Variants in EPHB1 observed in about 807,000 individuals in gnomAD.
EPHB1 encodes EPH receptor B1, also known as ephrin type-B receptor 1.
Under a neutral mutation model 94.4 loss-of-function variants are expected in EPHB1, and 30 were observed. The ratio of observed to expected loss-of-function variants is 0.32; its 90% CI spans 0.24 to 0.43. The LOEUF (loss-of-function observed/expected upper bound fraction) is 0.43, where lower values mean the gene tolerates loss of function less well. EPHB1 is among the 20% of genes least tolerant of loss of function. EPHB1 has a pLI of 1.00. For synonymous variants in EPHB1, 522 were observed against 489.1 expected, an observed-to-expected ratio of 1.07 and a Z score of -0.89; for missense variants, 1,055 against 1,308.3, an observed-to-expected ratio of 0.81 and a Z score of 2.99.
At chr3:135,146,224 G>C (rs1341652887) in intron 5 of EPHB1, among the ~76,000 whole-genome samples, 1 of 152,212 alleles carries the variant, frequency 6.6e-6, no homozygotes, top group Non-Finnish European at 1.5e-5. Context: ...GGCCGGCAAG[G>C]TCAAGAAAAG....
intron 3 of EPHB1, among the ~76,000 whole-genome samples, chr3:135,048,887 C>T (rs1937087841): frequency 6.6e-6 from 1 of 152,238 alleles, no homozygotes; most frequent in Admixed American, 6.5e-5. Flanking sequence ...CTGCTTGCTT[C>T]ATCTGTGGGC....
At chr3:134,930,681 A>G (rs1578206149) in intron 2 of EPHB1, among the ~76,000 whole-genome samples, 1 of 152,172 alleles carries the variant, frequency 6.6e-6, no homozygotes, top group Non-Finnish European at 1.5e-5. Context: ...TTGCACCTCC[A>G]GGTCTGCTCC....
At chr3:135,154,326 T>C in intron 6 of EPHB1, 50 bp downstream of exon 6, 1 of 1,609,606 alleles carries the variant, frequency 6.2e-7, no homozygotes, top group Non-Finnish European at 8.5e-7. Context: ...CAGCCACTGT[T>C]CCATGGATGG....
chr3:135,252,919 G>A (rs1362073848), intron 15 of EPHB1, among the ~76,000 whole-genome samples: 6 of 148,104 alleles, frequency 4.1e-5, no homozygotes. Context: ...TAACTGGTGT[G>A]AGATGGTATG....
intron 1 of EPHB1, among the ~76,000 whole-genome samples, chr3:134,834,365 CT>C (rs1049676744): frequency 6.6e-6 from 1 of 152,176 alleles, no homozygotes; most frequent in African/African-American, 2.4e-5. Context: ...ACTCTCCCCT[CT>C]AGTAGACCTC....
chr3:135,038,570 G>A lies in EPHB1; in HGVS notation c.806-67878G>A, dbSNP rs146809941. Among the ~76,000 whole-genome samples, 580 of 152,276 alleles carry A rather than the reference G, an allele frequency of 3.8e-3. 2 individuals carry two copies. The highest frequency in any genetic ancestry group is 6.8e-3 in the Middle Eastern group (2 of 294). On this transcript the variant is annotated intron_variant, in intron 3 of 15. Transcript: ENST00000398015. ...TATGTCCGGAATTGGTGGGTTCTTG[G>A]TCTCACTGACTTCAAGAATGAAGCC... is the stretch of plus-strand genomic sequence containing the variant.
At chr3:135,098,935 C>T (rs544442336) in intron 3 of EPHB1, among the ~76,000 whole-genome samples, 6 of 149,608 alleles carry the variant, frequency 4.0e-5, no homozygotes, top group African/African-American at 1.2e-4. Flanking sequence ...ATTGCTTGAC[C>T]CTGGGAGGCG....
At chr3:135,123,773 G>A (rs1331046668) in intron 4 of EPHB1, among the ~76,000 whole-genome samples, 1 of 148,220 alleles carries the variant, frequency 6.7e-6, no homozygotes. Context: ...AAGACTGTTC[G>A]TGCTGTTCAG....
intron 9 of EPHB1, among the ~76,000 whole-genome samples, chr3:135,171,766 A>G (rs1576443791): frequency 6.6e-6 from 1 of 152,336 alleles, no homozygotes; most frequent in East Asian, 1.9e-4. Flanking sequence ...GCTAATAACC[A>G]CCAGTATTGC....
intron 10 of EPHB1, among the ~76,000 whole-genome samples, chr3:135,182,986 C>CTTTCTTTTCT (rs755058104): frequency 0.018 from 1,966 of 110,426 alleles, 68 homozygotes; most frequent in East Asian, 0.026. Flanking sequence ...TTTTCTTTTG[C>CTTTCTTTTCT]TTTCTTTTCT....
intron 3 of EPHB1, among the ~76,000 whole-genome samples, chr3:135,017,299 A>G (rs964205438): frequency 1.3e-5 from 2 of 152,240 alleles, no homozygotes; most frequent in African/African-American, 2.4e-5. Context: ...AGAAAGGGAA[A>G]TTAAAAGAAA....
At chr3:134,870,687 C>G (rs1341632045) in intron 1 of EPHB1, among the ~76,000 whole-genome samples, 1 of 152,252 alleles carries the variant, frequency 6.6e-6, no homozygotes, top group African/African-American at 2.4e-5. Context: ...ACCCCAGCCA[C>G]AGGCTGAATA....
chr3:134,947,184 T>C (rs982717413), intron 2 of EPHB1, among the ~76,000 whole-genome samples: 1 of 152,222 alleles, frequency 6.6e-6, no homozygotes, highest in African/African-American at 2.4e-5. Context: ...TTTTTTTCAT[T>C]GATGAATGAA....
intron 11 of EPHB1, among the ~76,000 whole-genome samples, chr3:135,194,765 G>C (rs1002523449): frequency 2.0e-5 from 3 of 152,158 alleles, no homozygotes; most frequent in Admixed American, 6.5e-5. Context: ...CTGAGCCCAT[G>C]TACTTTCCCT....
intron 3 of EPHB1, among the ~76,000 whole-genome samples, chr3:134,959,163 C>T (rs1280702680): frequency 6.6e-6 from 1 of 152,140 alleles, no homozygotes; most frequent in South Asian, 2.1e-4. Flanking sequence ...GGGAACATCA[C>T]CACGTCAGGA....
At chr3:135,033,650 C>T (rs1251419546) in intron 3 of EPHB1, among the ~76,000 whole-genome samples, 3 of 152,094 alleles carry the variant, frequency 2.0e-5, no homozygotes, top group Non-Finnish European at 4.4e-5. Context: ...TGATCGCCTC[C>T]GAGGAAGATG....
chr3:134,934,739 T>G (rs998917802), intron 2 of EPHB1, among the ~76,000 whole-genome samples: 2 of 151,894 alleles, frequency 1.3e-5, no homozygotes, highest in Non-Finnish European at 2.9e-5. Context: ...GAGAGAAGCT[T>G]TCCTAGCTTG....
chr3:134,912,411 G>A (rs758656345), intron 1 of EPHB1, among the ~76,000 whole-genome samples: 9 of 152,250 alleles, frequency 5.9e-5, no homozygotes, highest in Admixed American at 1.3e-4. Context: ...GCAAATAGGT[G>A]TAGCACTGAG....
At chr3:135,135,532 C>T (rs1940591937) in intron 5 of EPHB1, among the ~76,000 whole-genome samples, 2 of 152,130 alleles carry the variant, frequency 1.3e-5, no homozygotes, top group Non-Finnish European at 2.9e-5. Flanking sequence ...TGACTCAGAT[C>T]CATTAAGGGC....
Sources: allele counts gnomAD v4.1 joint callset (sites outside exome capture counted in the v4.1 genomes callset), GRCh38; gene constraint gnomAD v4.1.1; transcripts MANE v1.5; gene names NCBI Gene and HGNC (gene_info 2026-07-23, HGNC 2026-07-21).